Variants in RASSF2 observed in about 807,000 individuals in gnomAD.
The protein encoded by RASSF2 is Ras association domain family member 2.
In RASSF2, 34 loss-of-function variants were observed where a neutral mutation model predicts 46.3. The observed-to-expected ratio is 0.73, with a 90% CI of 0.56 to 0.98. The LOEUF (loss-of-function observed/expected upper bound fraction) is 0.98, where lower values mean the gene tolerates loss of function less well. Among genes scored for constraint, RASSF2 ranks in the 50% least tolerant of loss-of-function variants. The probability of loss-of-function intolerance (pLI) is 0.00; values close to 1 mark genes in which losing one functional copy is unlikely to be tolerated. For synonymous variants in RASSF2, 158 were observed against 162.5 expected (o/e 0.97, Z 0.21); for missense variants, 364 against 431.2 (o/e 0.84, Z 1.38).
At chr20:4,785,283 G>C (rs1024311268) in intron 11 of RASSF2, among the ~76,000 whole-genome samples, 1 of 152,080 alleles carries the variant, frequency 6.6e-6, no homozygotes, top group South Asian at 2.1e-4. Context: ...AAGTTGCAGT[G>C]AGCCGAGATC....
intron 2 of RASSF2, among the ~76,000 whole-genome samples, chr20:4,814,381 C>T (rs1385281842): frequency 2.6e-5 from 4 of 152,184 alleles, no homozygotes; most frequent in African/African-American, 4.8e-5. Flanking sequence ...AAGTCACAGG[C>T]CACTCAGACT....
intron 2 of RASSF2, among the ~76,000 whole-genome samples, chr20:4,820,341 T>TA (rs931924940): frequency 6.6e-6 from 1 of 151,814 alleles, no homozygotes; most frequent in African/African-American, 2.4e-5. Context: ...TTCATCTCTA[T>TA]AAAAAAATAA....
At chr20:4,786,979 G>A (rs6052875) in intron 10 of RASSF2, among the ~76,000 whole-genome samples, 43,262 of 151,274 alleles carry the variant, frequency 0.29, 6,513 homozygotes, top group African/African-American at 0.38. Flanking sequence ...GCTACGCAGG[G>A]GTCTGAGGCA....
At chr20:4,799,530 T>C (rs958147207) in intron 3 of RASSF2, among the ~76,000 whole-genome samples, 1 of 152,208 alleles carries the variant, frequency 6.6e-6, no homozygotes, top group Non-Finnish European at 1.5e-5. Flanking sequence ...CCACTGGAAA[T>C]GCCAAGAAAA....
chr20:4,780,644 A>G lies in RASSF2; in HGVS notation c.*3629T>C, dbSNP rs944896248. ...TTCACGTCATGGTTTGGCCGCTGTA[A>G]GACACTGAAATTGCCTTGTTCATGT... is the stretch of plus-strand genomic sequence containing the variant. On this transcript the variant is annotated 3_prime_UTR_variant, in exon 12 of 12. Transcript: ENST00000379400. 1.3e-5 allele frequency: 2 copies of G among 152,248 alleles called. No homozygotes were observed. Among genetic ancestry groups the G allele is most frequent in the Non-Finnish European group, 2.9e-5 (2 of 68,062 alleles). The allele number at this position is 152,248 out of a possible 1,614,324, so 9.4% of individuals were successfully genotyped here.
At chr20:4,809,377 C>T (rs1185562898) in intron 2 of RASSF2, among the ~76,000 whole-genome samples, 1 of 152,064 alleles carries the variant, frequency 6.6e-6, no homozygotes, top group African/African-American at 2.4e-5. Flanking sequence ...GACCCAGATT[C>T]ACATGTTCTA....
At chr20:4,789,732 G>A (rs1301075061) in intron 7 of RASSF2, 35 bp from the exon 8 acceptor site, 25 of 1,566,000 alleles carry the variant, frequency 1.6e-5, no homozygotes, top group African/African-American at 2.7e-5. Context: ...GGGTGGGAGT[G>A]GGAACAAGGA....
chr20:4,818,276 A>C (rs577946654), intron 2 of RASSF2, among the ~76,000 whole-genome samples: 53 of 152,222 alleles, frequency 3.5e-4, no homozygotes, highest in Middle Eastern at 3.4e-3. Flanking sequence ...CAAAAAAAAA[A>C]ACACAATAAT....
At chr20:4,800,516 G>A (rs557965802) in intron 3 of RASSF2, among the ~76,000 whole-genome samples, 9 of 152,210 alleles carry the variant, frequency 5.9e-5, no homozygotes, top group African/African-American at 1.9e-4. Context: ...CTCACACCGC[G>A]GAGGAAAAAC....
chr20:4,793,871 A>G (rs756748946), intron 5 of RASSF2, among the ~76,000 whole-genome samples: 3 of 152,190 alleles, frequency 2.0e-5, no homozygotes, highest in African/African-American at 4.8e-5. Context: ...AAATTCTACC[A>G]AAGTATTTTG....
chr20:4,791,994 T>TA (rs1160328694), intron 6 of RASSF2, among the ~76,000 whole-genome samples: 4 of 152,126 alleles, frequency 2.6e-5, no homozygotes, highest in Non-Finnish European at 5.9e-5. Flanking sequence ...CTCATGCCTA[T>TA]AATCCCAGCA....
intron 2 of RASSF2, among the ~76,000 whole-genome samples, chr20:4,818,933 A>C (rs1171800708): frequency 6.6e-6 from 1 of 152,118 alleles, no homozygotes; most frequent in South Asian, 2.1e-4. Flanking sequence ...CCCATCTTAC[A>C]GTTGTGGAAA....
At chr20:4,801,730 ATTTGT>A (rs1203499793) in intron 2 of RASSF2, among the ~76,000 whole-genome samples, 1 of 151,814 alleles carries the variant, frequency 6.6e-6, no homozygotes, top group African/African-American at 2.4e-5. Flanking sequence ...CACTATTACC[ATTTGT>A]TTTGTTTTGT....
chr20:4,798,963 G>A (rs2423007), intron 3 of RASSF2, among the ~76,000 whole-genome samples: 3 of 151,504 alleles, frequency 2.0e-5, no homozygotes, highest in East Asian at 1.9e-4. Flanking sequence ...ACAACTACAC[G>A]CATGTGTGTG....
chr20:4,819,633 C>T (rs1928563072), intron 2 of RASSF2, among the ~76,000 whole-genome samples: 1 of 152,130 alleles, frequency 6.6e-6, no homozygotes, highest in African/African-American at 2.4e-5. Context: ...CAGTATCCCA[C>T]AGCTAGGAAA....
Position 4,804,342 on chromosome 20 carries a change from G to A in RASSF2, c.-32-3280C>T, listed in dbSNP as rs1042895382. On this transcript the variant is annotated intron_variant, in intron 2 of 11. Transcript: ENST00000379400. ...AGAAAAAAAGGAAAGTCGAGCTAGT[G>A]AGAAAGCTTTCTTTTTTTTTTTTTT... Among the ~76,000 whole-genome samples the A allele has an allele frequency of 3.5e-5, 5 of 143,012 alleles. No individual in the cohort carries two copies. The East Asian group carries it at 8.6e-4, about 25-fold the overall frequency. The allele number at this position is 143,012 out of a possible 152,430, so 93.8% of individuals were successfully genotyped here.
At chr20:4,808,916 A>G (rs1927557084) in intron 2 of RASSF2, among the ~76,000 whole-genome samples, 1 of 152,240 alleles carries the variant, frequency 6.6e-6, no homozygotes. Flanking sequence ...AACACTTTAG[A>G]AAATAAAGCA....
At chr20:4,786,934 T>C (rs1348058578) in intron 10 of RASSF2, among the ~76,000 whole-genome samples, 1 of 151,856 alleles carries the variant, frequency 6.6e-6, no homozygotes, top group African/African-American at 2.4e-5. Context: ...AATACAAAAA[T>C]TAGCCAGGCA....
chr20:4,817,709 G>T (rs1928413319), intron 2 of RASSF2, among the ~76,000 whole-genome samples: 1 of 152,126 alleles, frequency 6.6e-6, no homozygotes, highest in South Asian at 2.1e-4. Flanking sequence ...AGACAGGCAG[G>T]ATTATACTGG....
Sources: allele counts gnomAD v4.1 joint callset (sites outside exome capture counted in the v4.1 genomes callset), GRCh38; gene constraint gnomAD v4.1.1; transcripts MANE v1.5; gene names NCBI Gene and HGNC (gene_info 2026-07-23, HGNC 2026-07-21).